The following CIST1 variants were observed in gnomAD, a reference collection of about 807,000 sequenced individuals.
CIST1 encodes uncharacterized LOC729966.
the CIST1 span, among the ~76,000 whole-genome samples, chr19:18,251,558 C>T: frequency 6.6e-6 from 1 of 151,906 alleles, no homozygotes; most frequent in Non-Finnish European, 1.5e-5. Context: ...CCTCAGCCTC[C>T]CGAGTTGCTG....
the CIST1 span, among the ~76,000 whole-genome samples, chr19:18,253,920 C>T: frequency 6.6e-6 from 1 of 152,208 alleles, no homozygotes; most frequent in East Asian, 1.9e-4. Context: ...ACTCTCTGCT[C>T]CACCCATGCA....
chr19:18,254,390 C>T, the CIST1 span, among the ~76,000 whole-genome samples: 1 of 152,200 alleles, frequency 6.6e-6, no homozygotes. Context: ...ACTGAGTAGG[C>T]ACTGGTGAGC....
At chr19:18,253,990 G>A in the CIST1 span, among the ~76,000 whole-genome samples, 19 of 152,146 alleles carry the variant, frequency 1.2e-4, no homozygotes, top group South Asian at 4.1e-4. Context: ...GCAGAAATGC[G>A]GAAATAACAC....
the CIST1 span, chr19:18,250,383 A>T: frequency 1.7e-4 from 67 of 399,008 alleles, no homozygotes; most frequent in East Asian, 2.2e-3. Context: ...ATGACCACAG[A>T]CCCGATGAGC....
chr19:18,255,384 A>T, the CIST1 span: 3 of 396,406 alleles, frequency 7.6e-6, no homozygotes, highest in Non-Finnish European at 1.3e-5. This position sits in a 1 kb window ranked among gnomAD's most constrained non-coding sequence, Gnocchi z 4.6. Flanking sequence ...AGCTCCTTGC[A>T]CCTGCGTGTG....
At chr19:18,252,659 C>T in the CIST1 span, among the ~76,000 whole-genome samples, 4 of 151,878 alleles carry the variant, frequency 2.6e-5, no homozygotes, top group Non-Finnish European at 5.9e-5. Context: ...GCTCTGTCAC[C>T]CAGGCTGGAG....
the CIST1 span, among the ~76,000 whole-genome samples, chr19:18,252,894 A>G: frequency 6.6e-6 from 1 of 152,246 alleles, no homozygotes; most frequent in Admixed American, 6.5e-5. Context: ...GGCATAAGCC[A>G]TCATGCCCAG....
the CIST1 span, among the ~76,000 whole-genome samples, chr19:18,251,537 C>T: frequency 6.6e-6 from 1 of 150,628 alleles, no homozygotes; most frequent in African/African-American, 2.4e-5. Context: ...TGGGTTCAAG[C>T]GATTCTCCTG....
the CIST1 span, chr19:18,255,130 G>A: frequency 2.5e-6 from 1 of 396,542 alleles, no homozygotes; most frequent in East Asian, 3.6e-5. The surrounding 1 kb of genome is among the most constrained non-coding windows in gnomAD (Gnocchi z 4.6). Context: ...CTGAGGGAGG[G>A]GTCCAGAAGC....
chr19:18,252,799 G>A, the CIST1 span, among the ~76,000 whole-genome samples: 1 of 152,018 alleles, frequency 6.6e-6, no homozygotes, highest in Admixed American at 6.6e-5. Context: ...TGCATTTTTA[G>A]TTTCACTGTG....
the CIST1 span, among the ~76,000 whole-genome samples, chr19:18,253,315 C>T: frequency 6.6e-6 from 1 of 152,234 alleles, no homozygotes; most frequent in Admixed American, 6.5e-5. Context: ...CCCAGGAATT[C>T]AAGGCTGTAG....
At chr19:18,252,644 G>A in the CIST1 span, among the ~76,000 whole-genome samples, 14 of 150,100 alleles carry the variant, frequency 9.3e-5, no homozygotes, top group South Asian at 6.3e-4. Context: ...TTGAGATGGC[G>A]TCTCGCTCTG....
At chr19:18,251,051 C>T in the CIST1 span, among the ~76,000 whole-genome samples, 1 of 152,068 alleles carries the variant, frequency 6.6e-6, no homozygotes, top group African/African-American at 2.4e-5. Context: ...GCTGGGATTA[C>T]AGGCGTGGGC....
the CIST1 span, chr19:18,250,284 C>T: frequency 2.5e-6 from 1 of 399,150 alleles, no homozygotes; most frequent in Non-Finnish European, 4.4e-6. Context: ...GGCCCCAGGG[C>T]TGAGCCCCCA....
At chr19:18,250,372 C>T in the CIST1 span, 1 of 399,166 alleles carries the variant, frequency 2.5e-6, no homozygotes, top group Non-Finnish European at 4.4e-6. Context: ...ATCTCACAGC[C>T]ATGACCACAG....
the CIST1 span, chr19:18,252,425 A>C: frequency 2.5e-6 from 1 of 398,916 alleles, no homozygotes; most frequent in African/African-American, 2.1e-5. Context: ...AAGAAATCAG[A>C]GAGCTGACAG....
At chr19:18,251,959 C>T in the CIST1 span, 2 of 397,656 alleles carry the variant, frequency 5.0e-6, no homozygotes, top group Non-Finnish European at 8.9e-6. Context: ...GAAGCCCTTC[C>T]TAGAGCATTC....
the CIST1 span, among the ~76,000 whole-genome samples, chr19:18,250,717 C>T: frequency 6.6e-6 from 1 of 151,838 alleles, no homozygotes; most frequent in African/African-American, 2.4e-5. Flanking sequence ...AGTGATCCTC[C>T]CACCTCAGCC....
the CIST1 span, among the ~76,000 whole-genome samples, chr19:18,253,328 C>A: frequency 1.3e-5 from 2 of 152,024 alleles, no homozygotes; most frequent in African/African-American, 4.8e-5. Context: ...GGCTGTAGTG[C>A]GCCATGATTG....
Sources: allele counts gnomAD v4.1 joint callset (sites outside exome capture counted in the v4.1 genomes callset), GRCh38; gene constraint gnomAD v4.1.1; non-coding constraint Gnocchi (gnomAD v3.1); transcripts MANE v1.5; gene names NCBI Gene and HGNC (gene_info 2026-07-23, HGNC 2026-07-21).